TPTE: variants seen among roughly 807,000 people sequenced by gnomAD.
TPTE encodes transmembrane phosphatase with tensin homology, also known as putative tyrosine-protein phosphatase TPTE.
TPTE carries 59 observed loss-of-function variants against 84.1 expected under a neutral mutation model. The observed-to-expected ratio is 0.70, with a 90% CI of 0.57 to 0.87. The LOEUF (loss-of-function observed/expected upper bound fraction) is 0.87. Among genes scored for constraint, TPTE ranks in the 40% least tolerant of loss-of-function variants. The pLI is 0.00. For missense variants in TPTE, 382 were observed against 659.6 expected, an observed-to-expected ratio of 0.58 and a Z score of 4.61; for synonymous variants, 130 against 223.5, an observed-to-expected ratio of 0.58 and a Z score of 3.73.
chr21:10,585,099 G>A (rs1307023068), intron 17 of TPTE, among the ~76,000 whole-genome samples: 1 of 152,312 alleles, frequency 6.6e-6, no homozygotes, highest in Non-Finnish European at 1.5e-5. Flanking sequence ...GAGGTGCGGT[G>A]GCACATGCCT....
intron 7 of TPTE, among the ~76,000 whole-genome samples, chr21:10,551,442 A>T (rs1409597492): frequency 6.6e-6 from 1 of 152,304 alleles, no homozygotes; most frequent in Non-Finnish European, 1.5e-5. Context: ...TAAAAAAAAA[A>T]GTATATTTTT....
intron 14 of TPTE, among the ~76,000 whole-genome samples, chr21:10,571,876 A>T (rs1356149911): frequency 6.6e-6 from 1 of 152,310 alleles, no homozygotes; most frequent in African/African-American, 2.4e-5. Flanking sequence ...TTGGTGGTGC[A>T]TGCCTGCCAT....
chr21:10,534,355 GTAAC>G (rs2074231361), intron 3 of TPTE, among the ~76,000 whole-genome samples: 1 of 152,308 alleles, frequency 6.6e-6, no homozygotes, highest in South Asian at 2.1e-4. Context: ...TAATTTTACT[GTAAC>G]TACTCCTGGG....
At chr21:10,561,833 A>G (rs1422263427) in intron 10 of TPTE, among the ~76,000 whole-genome samples, 2 of 152,312 alleles carry the variant, frequency 1.3e-5, no homozygotes, top group African/African-American at 4.8e-5. Flanking sequence ...GCAAGGACAC[A>G]GGCCTGGCTG....
chr21:10,543,721 T>C (rs2074414453), intron 7 of TPTE, among the ~76,000 whole-genome samples: 1 of 152,310 alleles, frequency 6.6e-6, no homozygotes, highest in South Asian at 2.1e-4. Context: ...TTCCTGTTAG[T>C]GTATTTGTCA....
At chr21:10,535,873 A>G (rs2074257596) in intron 3 of TPTE, among the ~76,000 whole-genome samples, 1 of 152,312 alleles carries the variant, frequency 6.6e-6, no homozygotes, top group Non-Finnish European at 1.5e-5. Context: ...CTTCTGGGCA[A>G]GAAAGACAGC....
chr21:10,587,212 T>G (rs1190904533), intron 17 of TPTE, among the ~76,000 whole-genome samples: 1 of 152,300 alleles, frequency 6.6e-6, no homozygotes, highest in Non-Finnish European at 1.5e-5. Context: ...CTTTTTGAGC[T>G]TAGATTTTTG....
intron 1 of TPTE, among the ~76,000 whole-genome samples, chr21:10,522,492 C>A (rs1027400815): frequency 1.3e-5 from 2 of 152,312 alleles, no homozygotes; most frequent in African/African-American, 4.8e-5. Context: ...CCAGCGATGC[C>A]CCGGGAAGGG....
chr21:10,522,107 C>A (rs1336426089), intron 1 of TPTE, among the ~76,000 whole-genome samples: 2 of 152,038 alleles, frequency 1.3e-5, no homozygotes, highest in Non-Finnish European at 2.9e-5. Context: ...GCGGAGGCTC[C>A]CGCGCCGCCC....
intron 22 of TPTE, among the ~76,000 whole-genome samples, chr21:10,603,189 T>A (rs1978793776): frequency 6.6e-6 from 1 of 152,312 alleles, no homozygotes; most frequent in South Asian, 2.1e-4. Context: ...TTAAAAGGGA[T>A]GCTGAGGCAA....
At chr21:10,527,651 G>A (rs364265) in intron 3 of TPTE, among the ~76,000 whole-genome samples, 30,459 of 142,292 alleles carry the variant, frequency 0.21, 64 homozygotes, top group African/African-American at 0.47. Flanking sequence ...TTCAAGAGTG[G>A]TCCAAGAGAG....
At chr21:10,593,473 A>G (rs1456697641) in intron 19 of TPTE, among the ~76,000 whole-genome samples, 43 of 152,356 alleles carry the variant, frequency 2.8e-4, no homozygotes, top group African/African-American at 8.9e-4. Context: ...ATCTAAGTTC[A>G]TAGATTTCTC....
At chr21:10,555,939 C>G (rs1467473009) in intron 8 of TPTE, among the ~76,000 whole-genome samples, 5 of 152,422 alleles carry the variant, frequency 3.3e-5, no homozygotes, top group South Asian at 2.1e-4. Flanking sequence ...ACCTTGAATC[C>G]TAGTGTAAGA....
intron 8 of TPTE, among the ~76,000 whole-genome samples, chr21:10,559,206 C>T (rs956200012): frequency 6.6e-6 from 1 of 152,310 alleles, no homozygotes; most frequent in African/African-American, 2.4e-5. Flanking sequence ...ATGATGACCA[C>T]CAGTTTAAGT....
At chr21:10,528,077 A>T (rs2074111355) in intron 3 of TPTE, among the ~76,000 whole-genome samples, 2 of 152,308 alleles carry the variant, frequency 1.3e-5, no homozygotes, top group Admixed American at 1.3e-4. Flanking sequence ...AATTTTTATT[A>T]CCAACACATA....
intron 14 of TPTE, chr21:10,576,638 G>T (rs1355563808): frequency 2.0e-5 from 3 of 152,488 alleles, no homozygotes; most frequent in Non-Finnish European, 4.4e-5. Flanking sequence ...TATTAAGCCA[G>T]TAAACATTGC....
At chr21:10,593,409 A>G (rs1481427495) in intron 19 of TPTE, among the ~76,000 whole-genome samples, 4 of 152,294 alleles carry the variant, frequency 2.6e-5, no homozygotes, top group African/African-American at 9.6e-5. Context: ...TCAGAATTCA[A>G]ACAAAGTCCA....
chr21:10,567,443 T>TTTATA, intron 10 of TPTE, among the ~76,000 whole-genome samples: 1 of 57,496 alleles, frequency 1.7e-5, no homozygotes, highest in Non-Finnish European at 4.3e-5. Flanking sequence ...ATTGCCATGT[T>TTTATA]GGTGTTTTAG....
chr21:10,524,114 C>G (rs1462645771), intron 1 of TPTE, among the ~76,000 whole-genome samples: 1 of 152,312 alleles, frequency 6.6e-6, no homozygotes, highest in Non-Finnish European at 1.5e-5. Context: ...AGAGTTCTTA[C>G]TACAGAACTG....
Sources: allele counts gnomAD v4.1 joint callset (sites outside exome capture counted in the v4.1 genomes callset), GRCh38; gene constraint gnomAD v4.1.1; transcripts MANE v1.5; gene names NCBI Gene and HGNC (gene_info 2026-07-23, HGNC 2026-07-21).